CDH26: variants seen among roughly 807,000 people sequenced by gnomAD.
CDH26 encodes cadherin 26.
In CDH26, 83 loss-of-function variants were observed where a neutral mutation model predicts 90.3. That is an observed-to-expected ratio of 0.92 (90% CI 0.77 to 1.10). CDH26 has a LOEUF of 1.10. Ranked by LOEUF, CDH26 falls within the 50% of genes least tolerant of loss-of-function variation. The pLI, the probability that CDH26 is intolerant of heterozygous loss-of-function variation, is 0.00. For synonymous variants in CDH26, 397 were observed against 396.3 expected (o/e 1.00, Z -0.02); for missense variants, 1,013 against 1,037.6 (o/e 0.98, Z 0.33).
At chr20:59,981,272 T>C (rs2061392060) in intron 4 of CDH26, among the ~76,000 whole-genome samples, 1 of 152,176 alleles carries the variant, frequency 6.6e-6, no homozygotes, top group Non-Finnish European at 1.5e-5. Flanking sequence ...TCTAAAATAT[T>C]CTGCTAGTCT....
At chr20:59,988,759 C>G (rs1320200288) in intron 8 of CDH26, 145 bp from the exon 9 acceptor site, 3 of 853,228 alleles carry the variant, frequency 3.5e-6, no homozygotes, top group Non-Finnish European at 5.3e-6. Flanking sequence ...TGTAGACTGT[C>G]TTTTGATCAT....
At chr20:60,028,751 G>A (rs2062017710) in intron 7 of CDH26, among the ~76,000 whole-genome samples, 1 of 152,186 alleles carries the variant, frequency 6.6e-6, no homozygotes, top group Non-Finnish European at 1.5e-5. Context: ...AAATGGTACT[G>A]CTGCTGTGAC....
At chr20:59,989,274 A>T in intron 9 of CDH26, 111 bp downstream of exon 9, 1 of 1,401,832 alleles carries the variant, frequency 7.1e-7, no homozygotes, top group Non-Finnish European at 9.7e-7. Flanking sequence ...CACGCCTGTA[A>T]TCCCAGCGCT....
In CDH26 at chr20:59,984,760, TC is replaced by T; in HGVS notation, c.664del (p.Arg222AlafsTer12). The T allele has an allele frequency of 1.9e-6, 3 of 1,613,910 alleles. No homozygotes were observed. The highest frequency in any genetic ancestry group is 2.7e-5 in the African/African-American group (2 of 75,062). ...LLKESGFRVD[R>X]LSGEIRLSGC... ...TGAAAGAAAGTGGTTTCCGGGTTGA[TC>T]GCCTTAGTGGAGAAATACGACTCTC... On this transcript the variant is annotated frameshift_variant, in exon 6 of 18. Coordinates refer to ENST00000348616, the MANE Select transcript of CDH26 (RefSeq NM_177980.4). LOFTEE classifies it high-confidence loss of function.
intron 7 of CDH26, among the ~76,000 whole-genome samples, chr20:60,029,858 G>C (rs1286570802): frequency 6.6e-6 from 1 of 151,906 alleles, no homozygotes; most frequent in African/African-American, 2.4e-5. Flanking sequence ...GTGTATATGT[G>C]CACATTTAAA....
intron 7 of CDH26, among the ~76,000 whole-genome samples, chr20:60,027,081 G>C (rs1488985952): frequency 2.6e-5 from 4 of 152,198 alleles, no homozygotes; most frequent in Non-Finnish European, 5.9e-5. Context: ...GGCATGCGGA[G>C]GGTAGGGGCA....
intron 11 of CDH26, among the ~76,000 whole-genome samples, chr20:59,995,255 C>T (rs2061578377): frequency 6.6e-6 from 1 of 152,052 alleles, no homozygotes; most frequent in Non-Finnish European, 1.5e-5. Context: ...TGGGCTGAGC[C>T]GGATAGGGGC....
intron 7 of CDH26, among the ~76,000 whole-genome samples, chr20:60,023,856 T>A (rs1282920638): frequency 6.6e-6 from 1 of 152,184 alleles, no homozygotes; most frequent in Non-Finnish European, 1.5e-5. Flanking sequence ...TGCCCCATCC[T>A]GCCAATTTGG....
At chr20:60,033,812 A>T in exon 9 of CDH26, 1 of 703,394 alleles carries the variant, frequency 1.4e-6, no homozygotes, top group South Asian at 3.0e-5. Context: ...TGTGATCATG[A>T]AGAAGAAATA....
chr20:60,001,594 T>G (rs1435631310), intron 15 of CDH26, 183 bp downstream of exon 15: 3 of 985,478 alleles, frequency 3.0e-6, no homozygotes, highest in Non-Finnish European at 3.6e-6. Context: ...GAACTAGGTA[T>G]TATTATTGGT....
At chr20:59,991,103 G>T (rs1052543546) in intron 9 of CDH26, among the ~76,000 whole-genome samples, 3 of 152,004 alleles carry the variant, frequency 2.0e-5, no homozygotes, top group African/African-American at 7.2e-5. Context: ...CCCACCCATA[G>T]AATTTGATTG....
intron 7 of CDH26, among the ~76,000 whole-genome samples, chr20:60,028,465 G>A (rs774798795): frequency 2.0e-5 from 3 of 152,190 alleles, no homozygotes; most frequent in Non-Finnish European, 2.9e-5. Context: ...TTTAGCGAGA[G>A]GCAATCCAAA....
At position 59,994,308 on chromosome 20, in the gene CDH26, C is replaced by CA. The variant is rs1200176726; in HGVS notation, c.1487dup (p.Asn496LysfsTer16). 1.9e-6 allele frequency: 3 copies of CA among 1,613,994 alleles called. No individual in the cohort carries two copies. The highest frequency in any genetic ancestry group is 2.5e-6 in the Non-Finnish European group (3 of 1,180,000). ...TGCTCTTCCTGTCTGACATCAATGA[C>CA]AACGTCCCGACTCTCCGGCCACGTT... On this transcript the variant is annotated frameshift_variant, in exon 11 of 18. Transcript: ENST00000348616. LOFTEE classifies it high-confidence loss of function.
chr20:59,968,019 CTCTCTGTCTCTCTCTCTCTCTCT>C lies in CDH26; in HGVS notation c.70-947_70-925del, dbSNP rs1569025022. On this transcript the variant is annotated intron_variant, in intron 1 of 17. Coordinates refer to ENST00000348616, the MANE Select transcript of CDH26 (RefSeq NM_177980.4). ...TCTTTCTTTCTTTCTTTCTTCCTTT[CTCTCTGTCTCTCTCTCTCTCTCT>C]CTCTCTCTCTGTCTCTCTCTCTCTC... Among the ~76,000 whole-genome samples the C allele has an allele frequency of 3.3e-3, 395 of 120,200 alleles. 18 individuals carry two copies. The highest frequency in any genetic ancestry group is 0.016 in the African/African-American group (377 of 22,866). The allele number at this position is 120,200 out of a possible 152,430, so 78.9% of individuals were successfully genotyped here. A position where few individuals can be genotyped will look rare whatever the true frequency, so the allele number is the denominator to read the frequency against.
chr20:60,033,773 A>G (rs1263613198), exon 9 of CDH26: 13 of 900,678 alleles, frequency 1.4e-5, no homozygotes, highest in Middle Eastern at 5.1e-4. Context: ...GGTAGACAAG[A>G]TGTGTGTGTG....
Position 59,986,717 on chromosome 20 carries a change from A to G in CDH26, c.838-736A>G, listed in dbSNP as rs145120283. 7.2e-5 allele frequency among the ~76,000 whole-genome samples: 11 copies of G among 152,176 alleles called. 1 individual carries two copies. The East Asian group carries it at 2.1e-3, about 29-fold the overall frequency. ...TTGCCTGTCTTGTTCATGGCATCTG[A>G]AATGGAATGTGGCACATAGAAGCTG... On this transcript the variant is annotated intron_variant, in intron 7 of 17. Coordinates refer to ENST00000348616, the MANE Select transcript of CDH26 (RefSeq NM_177980.4).
chr20:59,987,577 A>G lies in CDH26; in HGVS notation c.962A>G (p.Glu321Gly). 1 of 1,613,994 alleles carries G rather than the reference A, an allele frequency of 6.2e-7. No individual in the cohort carries two copies. The highest frequency in any genetic ancestry group is 8.5e-7 in the Non-Finnish European group (1 of 1,179,926). The change falls in exon 8 of 18, where the codon GAG (glutamate) becomes GGG (glycine). Residue 321 changes from glutamate to glycine, a missense_variant. Coordinates refer to ENST00000348616, the MANE Select transcript of CDH26 (RefSeq NM_177980.4). ...TTCAACATATTGCATGGCAATGAAG[A>G]GGGGCATTTTGACATTTCGACTGAC... ...AKFNILHGNE[E>G]GHFDISTDPE... is the part of the protein sequence containing the mutation.
intron 17 of CDH26, among the ~76,000 whole-genome samples, chr20:60,008,729 G>C (rs1270103176): frequency 6.6e-6 from 1 of 152,226 alleles, no homozygotes; most frequent in African/African-American, 2.4e-5. Context: ...TCCTGTCACA[G>C]TCCCCAGGTG....
intron 1 of CDH26, among the ~76,000 whole-genome samples, chr20:59,962,238 A>T (rs2061084805): frequency 6.6e-6 from 1 of 152,220 alleles, no homozygotes; most frequent in Non-Finnish European, 1.5e-5. Context: ...TTAGGAACAT[A>T]TATTAGTGTC....
Sources: allele counts gnomAD v4.1 joint callset (sites outside exome capture counted in the v4.1 genomes callset), GRCh38; gene constraint gnomAD v4.1.1; transcripts MANE v1.5; gene names NCBI Gene and HGNC (gene_info 2026-07-23, HGNC 2026-07-21).